BRWD3: variants seen among roughly 807,000 people sequenced by gnomAD.
BRWD3 encodes bromodomain and WD repeat-containing protein 3.
A neutral mutation model predicts 149.7 loss-of-function variants in BRWD3; 10 were observed. The ratio of observed to expected loss-of-function variants is 0.07; its 90% confidence interval spans 0.04 to 0.11. BRWD3 has a LOEUF of 0.11. Ranked by LOEUF, BRWD3 falls within the 10% of genes least tolerant of loss-of-function variation. The pLI, the probability that BRWD3 is intolerant of heterozygous loss-of-function variation, is 1.00. For missense variants in BRWD3, 940 were observed against 1,373.2 expected (o/e 0.68, Z 4.99); for synonymous variants, 504 against 456.7 (o/e 1.10, Z -1.32).
At position 80,709,536 on chromosome X, in the gene BRWD3, T is replaced by G. The variant is rs774323609; in HGVS notation, c.2367A>C (p.Thr789=). The G allele has an allele frequency of 8.3e-7, 1 of 1,210,560 alleles. No individual in the cohort carries two copies. Among genetic ancestry groups the G allele is most frequent in the African/African-American group, 1.7e-5 (1 of 57,752 alleles). Reference sequence around the variant, plus strand: ...GGTAAGTATGCTGACGTTTGCGCTGTGTCCTGCGTAAAGAACGCCCACAGC... The same window carrying G: ...GGTAAGTATGCTGACGTTTGCGCTGGGTCCTGCGTAAAGAACGCCCACAGC... ...EPSCGRSLRR[T]QRKRQHTYQT... is the part of the protein sequence containing the mutation. Residue 789 remains threonine, a synonymous_variant, in exon 21 of 41, where the codon ACA becomes ACC. Transcript: ENST00000373275.
chrX:80,746,159 TCCA>T (rs1466955473), intron 6 of BRWD3, among the ~76,000 whole-genome samples: 1 of 110,357 alleles, frequency 9.1e-6, no homozygotes, highest in Non-Finnish European at 1.9e-5. Flanking sequence ...CTCACACCTA[TCCA>T]CCATATGTAT....
chrX:80,718,463 C>T (rs982327423), intron 18 of BRWD3, among the ~76,000 whole-genome samples: 7 of 111,302 alleles, frequency 6.3e-5, no homozygotes, highest in Admixed American at 3.8e-4. Context: ...CTAGTATTGA[C>T]GGTACAACAG....
At chrX:80,726,817 C>A (rs1197324217) in intron 14 of BRWD3, among the ~76,000 whole-genome samples, 2 of 110,637 alleles carry the variant, frequency 1.8e-5, no homozygotes, top group African/African-American at 6.6e-5. Context: ...TCAAAGTTTA[C>A]CAAAATTCTT....
chrX:80,754,655 CTTTATTA>C (rs922810169), intron 6 of BRWD3, among the ~76,000 whole-genome samples: 1 of 111,945 alleles, frequency 8.9e-6, no homozygotes, highest in African/African-American at 3.3e-5. Flanking sequence ...CATACATGCC[CTTTATTA>C]TTTTGAGATA....
At chrX:80,756,057 T>C (rs1382503240) in intron 6 of BRWD3, among the ~76,000 whole-genome samples, 1 of 111,918 alleles carries the variant, frequency 8.9e-6, no homozygotes, top group East Asian at 2.8e-4. Context: ...TAGTCACTAA[T>C]ACCTATTCAA....
intron 6 of BRWD3, among the ~76,000 whole-genome samples, chrX:80,752,832 T>C (rs1279228369): frequency 9.0e-6 from 1 of 110,577 alleles, no homozygotes; most frequent in Non-Finnish European, 1.9e-5. Flanking sequence ...ACCCAGCTAA[T>C]TTTTGTATTT....
At chrX:80,739,951 G>A (rs913132535) in intron 8 of BRWD3, among the ~76,000 whole-genome samples, 1 of 111,895 alleles carries the variant, frequency 8.9e-6, no homozygotes, top group Non-Finnish European at 1.9e-5. Context: ...GGGGGACTAC[G>A]ATAATCAAAT....
rs189138658 is a variant in BRWD3, at chrX:80,703,822, T to C, written c.2722-229A>G. On this transcript the variant is annotated intron_variant, in intron 23 of 40. Transcript: ENST00000373275. ...ACTGACAAGTAATAACTTGACACTA[T>C]AGACTACCTGAAAACCATAACTTTT... 2.0e-3 allele frequency among the ~76,000 whole-genome samples: 222 copies of C among 111,906 alleles called. 1 individual carries two copies. The highest frequency in any genetic ancestry group is 1.4e-3 in the East Asian group (5 of 3,578).
chrX:80,768,900 T>A (rs1185814781), intron 6 of BRWD3, among the ~76,000 whole-genome samples: 1 of 104,493 alleles, frequency 9.6e-6, no homozygotes, highest in African/African-American at 3.5e-5. Context: ...ACCAAGCAAA[T>A]GGAAAGCAAA....
intron 6 of BRWD3, among the ~76,000 whole-genome samples, chrX:80,755,454 A>T (rs2073725806): frequency 8.9e-6 from 1 of 111,830 alleles, no homozygotes; most frequent in South Asian, 3.6e-4. Flanking sequence ...ATTTACACCT[A>T]ATAAATTAGC....
chrX:80,750,416 G>T (rs1027033581), intron 6 of BRWD3, among the ~76,000 whole-genome samples: 2 of 110,347 alleles, frequency 1.8e-5, no homozygotes, highest in East Asian at 5.7e-4. Context: ...ATGGGCAAAA[G>T]GTCTGAACAA....
At chrX:80,680,759 T>A (rs1229594034) in intron 40 of BRWD3, among the ~76,000 whole-genome samples, 1 of 110,952 alleles carries the variant, frequency 9.0e-6, no homozygotes, top group Non-Finnish European at 1.9e-5. Context: ...TGTCTTCATG[T>A]GCTTGGGGAA....
chrX:80,792,609 C>T (rs975877426), intron 5 of BRWD3, among the ~76,000 whole-genome samples: 2 of 111,710 alleles, frequency 1.8e-5, no homozygotes, highest in Non-Finnish European at 3.8e-5. Context: ...AAATGAGATG[C>T]TTAAAATCTG....
intron 12 of BRWD3, among the ~76,000 whole-genome samples, chrX:80,732,570 GAGAA>G (rs2073347953): frequency 9.0e-6 from 1 of 110,715 alleles, no homozygotes; most frequent in Admixed American, 9.6e-5. Flanking sequence ...GAGAATAAAG[GAGAA>G]AGAAAGTAGG....
At chrX:80,749,897 T>TCAA (rs1359922975) in intron 6 of BRWD3, among the ~76,000 whole-genome samples, 1 of 111,123 alleles carries the variant, frequency 9.0e-6, no homozygotes, top group Admixed American at 9.6e-5. Context: ...AACAGACACA[T>TCAA]CAACCAAGGG....
At chrX:80,760,218 T>C (rs959678324) in intron 6 of BRWD3, among the ~76,000 whole-genome samples, 1 of 111,638 alleles carries the variant, frequency 9.0e-6, no homozygotes, top group South Asian at 3.7e-4. Flanking sequence ...CTGCTATCCA[T>C]CATATTTTTT....
At chrX:80,721,608 G>A (rs1005185433) in intron 17 of BRWD3, among the ~76,000 whole-genome samples, 1 of 111,799 alleles carries the variant, frequency 8.9e-6, no homozygotes, top group Non-Finnish European at 1.9e-5. Context: ...GTACAGGGCA[G>A]TATAAATAAT....
At chrX:80,687,974 T>C in intron 34 of BRWD3, 95 bp downstream of exon 34, 1 of 655,002 alleles carries the variant, frequency 1.5e-6, no homozygotes, top group Admixed American at 2.3e-5. Flanking sequence ...GCAAGAATCC[T>C]TCTAGCAATT....
chrX:80,786,054 T>G (rs769892904), intron 6 of BRWD3, among the ~76,000 whole-genome samples: 3 of 111,679 alleles, frequency 2.7e-5, no homozygotes, highest in East Asian at 5.7e-4. Flanking sequence ...AAAATCAAAT[T>G]TGTAAAATAA....
Sources: allele counts gnomAD v4.1 joint callset (sites outside exome capture counted in the v4.1 genomes callset), GRCh38; gene constraint gnomAD v4.1.1; transcripts MANE v1.5; gene names NCBI Gene and HGNC (gene_info 2026-07-23, HGNC 2026-07-21).